The following NME7 variants were observed in gnomAD, a reference collection of about 807,000 sequenced individuals.
The protein encoded by NME7 is nucleoside diphosphate kinase 7.
A neutral mutation model predicts 49.1 loss-of-function variants in NME7; 41 were observed. The observed-to-expected ratio is 0.83, with a 90% CI of 0.65 to 1.08. The LOEUF is 1.08. NME7 is among the 50% of genes least tolerant of loss of function. The probability of loss-of-function intolerance (pLI) is 0.00; values close to 1 mark genes in which losing one functional copy is unlikely to be tolerated. For synonymous variants in NME7, 139 were observed against 150.6 expected (o/e 0.92, Z 0.56); for missense variants, 423 against 463.4 (o/e 0.91, Z 0.80).
chr1:169,211,069 T>C (rs1269771464), intron 10 of NME7, among the ~76,000 whole-genome samples: 1 of 152,136 alleles, frequency 6.6e-6, no homozygotes, highest in Non-Finnish European at 1.5e-5. Context: ...AGAACATATC[T>C]CATGTTTTCC....
chr1:169,154,353 C>G (rs78554830), intron 11 of NME7, among the ~76,000 whole-genome samples: 1 of 151,880 alleles, frequency 6.6e-6, no homozygotes, highest in South Asian at 2.1e-4. Flanking sequence ...GAAATGACTG[C>G]GGATTCATAT....
chr1:169,229,529 A>G (rs1647502084), intron 10 of NME7, among the ~76,000 whole-genome samples: 1 of 152,200 alleles, frequency 6.6e-6, no homozygotes, highest in African/African-American at 2.4e-5. Flanking sequence ...TAAATGTTCT[A>G]AAAGATCTTT....
At chr1:169,311,024 A>G (rs1040647881) in intron 3 of NME7, among the ~76,000 whole-genome samples, 1 of 152,224 alleles carries the variant, frequency 6.6e-6, no homozygotes, top group African/African-American at 2.4e-5. Context: ...AGTTGTTCTT[A>G]TAACACTGGC....
At chr1:169,247,791 C>G (rs1218035850) in intron 7 of NME7, among the ~76,000 whole-genome samples, 2 of 152,112 alleles carry the variant, frequency 1.3e-5, no homozygotes, top group African/African-American at 4.8e-5. Context: ...CTAGCTCCAT[C>G]CAAGTTACTG....
Position 169,230,830 on chromosome 1 carries a change from T to C in NME7, c.889-11A>G, listed in dbSNP as rs199706301. On this transcript the variant is annotated splice_polypyrimidine_tract_variant and intron_variant, in intron 9 of 11. Coordinates refer to ENST00000367811, the MANE Select transcript of NME7 (RefSeq NM_013330.5). ...TTCTGTCACCATGTCCTATGATATG[T>C]AATATAAAAGAATGAAAAGAATTTA... The C allele has an allele frequency of 4.4e-4, 671 of 1,523,012 alleles. 2 individuals are homozygous for C. The highest frequency in any genetic ancestry group is 2.0e-5 in the Non-Finnish European group (23 of 1,123,126). The allele number at this position is 1,523,012 out of a possible 1,614,324, so 94.3% of individuals were successfully genotyped here.
intron 6 of NME7, among the ~76,000 whole-genome samples, chr1:169,296,916 G>C (rs181663882): frequency 6.6e-6 from 1 of 151,798 alleles, no homozygotes; most frequent in Admixed American, 6.6e-5. Context: ...ATCTCACTGG[G>C]TTATTCCAAC....
intron 10 of NME7, among the ~76,000 whole-genome samples, chr1:169,206,044 C>T (rs555560081): frequency 1.3e-5 from 2 of 152,198 alleles, no homozygotes; most frequent in Non-Finnish European, 2.9e-5. Flanking sequence ...ATGCAGCCTT[C>T]TCTGTCCATT....
chr1:169,337,193 G>C (rs1478645345), intron 1 of NME7, among the ~76,000 whole-genome samples: 2 of 152,212 alleles, frequency 1.3e-5, no homozygotes, highest in African/African-American at 4.8e-5. Flanking sequence ...CTCAGGCATG[G>C]CGGGCTGCAG....
intron 10 of NME7, among the ~76,000 whole-genome samples, chr1:169,192,661 C>T (rs73035343): frequency 0.023 from 3,509 of 152,108 alleles, 117 homozygotes; most frequent in African/African-American, 0.078. Context: ...TACTCTGTAA[C>T]AGTTCTGTAA....
rs1557966284 is a variant in NME7 at position 169,158,098 on chromosome 1, ACT to A, written c.1098+11347_1098+11348del. On this transcript the variant is annotated intron_variant, in intron 11 of 11. Coordinates refer to ENST00000367811, the MANE Select transcript of NME7 (RefSeq NM_013330.5). ...ACAGTGGTTTCTAAATGCTAGTTTA[ACT>A]ATCAGCCATATCAGAATATCAGAAT... 3.3e-5 allele frequency among the ~76,000 whole-genome samples: 5 copies of A among 152,314 alleles called. 1 individual carries two copies. The South Asian group carries it at 8.3e-4, about 25-fold the overall frequency.
At chr1:169,261,385 G>C (rs1649158126) in intron 7 of NME7, among the ~76,000 whole-genome samples, 2 of 133,760 alleles carry the variant, frequency 1.5e-5, no homozygotes, top group African/African-American at 5.1e-5. Flanking sequence ...AACAGATCAA[G>C]ATTTACCGTT....
intron 1 of NME7, among the ~76,000 whole-genome samples, chr1:169,333,242 G>T (rs1652326623): frequency 6.6e-6 from 1 of 152,022 alleles, no homozygotes; most frequent in South Asian, 2.1e-4. Context: ...TTATCTGTGG[G>T]TTCTAAAAAA....
chr1:169,132,644 T>G lies in NME7; in HGVS notation c.*141A>C. 1 of 695,588 alleles carries G rather than the reference T, an allele frequency of 1.4e-6. No homozygotes were observed. The highest frequency in any genetic ancestry group is 2.1e-5 in the South Asian group (1 of 46,780). 43.1% of individuals were successfully genotyped at this position (695,588 alleles called of 1,614,324 possible). On this transcript the variant is annotated 3_prime_UTR_variant, in exon 12 of 12. Coordinates refer to ENST00000367811, the MANE Select transcript of NME7 (RefSeq NM_013330.5). Reference sequence around the variant, plus strand: ...ATCCATGTTCTAACATATGTAATAATTGCCAGGAGTACAGTGCTCTTGTTG... The same window carrying G: ...ATCCATGTTCTAACATATGTAATAAGTGCCAGGAGTACAGTGCTCTTGTTG...
intron 7 of NME7, among the ~76,000 whole-genome samples, chr1:169,281,553 A>G (rs1650016504): frequency 6.6e-6 from 1 of 152,158 alleles, no homozygotes; most frequent in Non-Finnish European, 1.5e-5. Flanking sequence ...GAATGCTTCA[A>G]GCTTTTGCCC....
chr1:169,320,252 G>A (rs914996326), intron 3 of NME7, among the ~76,000 whole-genome samples: 1 of 152,148 alleles, frequency 6.6e-6, no homozygotes, highest in African/African-American at 2.4e-5. Context: ...TTATCCATTT[G>A]ATTAGAGGAT....
chr1:169,148,430 C>T (rs1658821038), intron 11 of NME7, among the ~76,000 whole-genome samples: 2 of 152,194 alleles, frequency 1.3e-5, no homozygotes, highest in South Asian at 4.1e-4. Context: ...AAGCCCATAA[C>T]TGTCTAAAGG....
At chr1:169,177,181 A>C (rs988777953) in intron 10 of NME7, among the ~76,000 whole-genome samples, 2 of 152,160 alleles carry the variant, frequency 1.3e-5, no homozygotes, top group Non-Finnish European at 2.9e-5. Context: ...CCTCAAAGGA[A>C]TAAAATAATG....
At chr1:169,185,681 A>ATTGTAACTAAAATTTTATG (rs1347319541) in intron 10 of NME7, among the ~76,000 whole-genome samples, 1 of 152,160 alleles carries the variant, frequency 6.6e-6, no homozygotes, top group African/African-American at 2.4e-5. Context: ...AGTGATTTAT[A>ATTGTAACTAAAATTTTATG]TTGTAACTAA....
intron 1 of NME7, among the ~76,000 whole-genome samples, chr1:169,354,017 G>C (rs1187464227): frequency 6.6e-6 from 1 of 152,008 alleles, no homozygotes; most frequent in African/African-American, 2.4e-5. Flanking sequence ...ACTAAAAATA[G>C]AGCTACTTTA....
Sources: allele counts gnomAD v4.1 joint callset (sites outside exome capture counted in the v4.1 genomes callset), GRCh38; gene constraint gnomAD v4.1.1; transcripts MANE v1.5; gene names NCBI Gene and HGNC (gene_info 2026-07-23, HGNC 2026-07-21).